Variants in CEACAM4 observed in about 807,000 individuals in gnomAD.
CEACAM4 encodes cell adhesion molecule CEACAM4.
In CEACAM4, 30 loss-of-function variants were observed where a neutral mutation model predicts 28.7. The observed-to-expected ratio is 1.05, with a 90% CI of 0.78 to 1.42. CEACAM4 has a LOEUF of 1.42. Among genes scored for constraint, CEACAM4 ranks in the 40% most tolerant of loss-of-function variants. CEACAM4 has a pLI of 0.00. For missense variants in CEACAM4, 330 were observed against 308.2 expected (o/e 1.07, Z -0.53); for synonymous variants, 143 against 126.5 (o/e 1.13, Z -0.87).
intron 3 of CEACAM4, 75 bp from the exon 4 acceptor site, chr19:41,620,702 A>T: frequency 7.9e-7 from 1 of 1,260,624 alleles, no homozygotes; most frequent in South Asian, 1.2e-5. Flanking sequence ...AGGACAAGGA[A>T]GGGACTCCAT....
At chr19:41,619,604 C>T (rs1245723340) in intron 6 of CEACAM4, 66 bp downstream of exon 6, 8 of 1,566,660 alleles carry the variant, frequency 5.1e-6, no homozygotes, top group South Asian at 1.2e-5. Context: ...CAGCCAGGTG[C>T]TGGTGGGGGC....
At chr19:41,617,160 G>C (rs2070995687), downstream of CEACAM4, among the ~76,000 whole-genome samples, 1 of 152,136 alleles carries the variant, frequency 6.6e-6, no homozygotes, top group African/African-American at 2.4e-5. Context: ...ACTGTCCGTG[G>C]TGCTGATGTC....
intron 2 of CEACAM4, among the ~76,000 whole-genome samples, chr19:41,622,035 C>T (rs546839119): frequency 6.6e-6 from 1 of 152,122 alleles, no homozygotes; most frequent in Admixed American, 6.5e-5. Flanking sequence ...ACCTTTAAAT[C>T]CCTTCTTCCT....
At chr19:41,620,144 TC>T in intron 5 of CEACAM4, 66 bp downstream of exon 5, 2 of 1,367,760 alleles carry the variant, frequency 1.5e-6, no homozygotes, top group Admixed American at 2.8e-5. Context: ...GGGTTGATGG[TC>T]CCCCTGCCCT....
In CEACAM4 at chr19:41,619,305, C is replaced by A; in HGVS notation, c.*25G>T. Reference sequence around the variant, plus strand: ...GGAGCTTCGGGGACGCTCCATCAACCCACAAGAGCAGCTCCCAGAGGAACC... The same window carrying A: ...GGAGCTTCGGGGACGCTCCATCAACACACAAGAGCAGCTCCCAGAGGAACC... On this transcript the variant is annotated 3_prime_UTR_variant, in exon 7 of 7. Transcript: ENST00000221954. 6 of 1,607,488 alleles carry A rather than the reference C, an allele frequency of 3.7e-6. No individual in the cohort carries two copies. The highest frequency in any genetic ancestry group is 5.1e-6 in the Non-Finnish European group (6 of 1,174,226).
chr19:41,618,617 G>C (rs1409425446), downstream of CEACAM4, among the ~76,000 whole-genome samples: 1 of 152,174 alleles, frequency 6.6e-6, no homozygotes, highest in Non-Finnish European at 1.5e-5. Context: ...CAGGACACTG[G>C]AGGCTGCGTA....
intron 2 of CEACAM4, 23 bp from the exon 3 acceptor site, chr19:41,621,791 G>A (rs1252872782): frequency 1.4e-6 from 2 of 1,409,000 alleles, no homozygotes; most frequent in African/African-American, 1.4e-5. Context: ...GAAGGCAAAG[G>A]GGACAAGGCC....
downstream of CEACAM4, among the ~76,000 whole-genome samples, chr19:41,617,843 C>G (rs1030142815): frequency 1.3e-5 from 2 of 152,160 alleles, no homozygotes; most frequent in African/African-American, 4.8e-5. Flanking sequence ...GGTAATTTGT[C>G]ACAGCCTCAA....
rs201153952 is a variant in CEACAM4, at chr19:41,625,779, A to G, written c.246T>C (p.Tyr82=). ...GGATATTTGCTTGAATGTCTGTTAT[A>G]TAACCAGCAATGAGAGGGCTCCCTT... is the stretch of plus-strand genomic sequence containing the variant. The part of the protein sequence containing the change: ...TAEGSPLIAG[Y]ITDIQANIPG... The change falls in exon 2 of 7, where the codon TAT becomes TAC. Residue 82 remains tyrosine, a synonymous_variant. Transcript: ENST00000221954. 1.4e-5 allele frequency: 22 copies of G among 1,613,946 alleles called. No individual in the cohort carries two copies. The East Asian group carries it at 4.0e-4, about 29-fold the overall frequency.
In CEACAM4 at chr19:41,625,732, C is replaced by T. The variant is rs782266854; in HGVS notation, c.293G>A (p.Arg98Gln). ...GGATCCATTGGGGTATACTGTCTCT[C>T]GACCACTGTATGCGGCCCCTGGGAT... ...ANIPGAAYSGRETVYPNGSLL... is the reference protein window; with the variant it reads ...ANIPGAAYSGQETVYPNGSLL... The change falls in exon 2 of 7, where the codon CGA becomes CAA. Residue 98 changes from arginine (R) to glutamine (Q), a missense_variant. Arg to Gln is a conservative substitution (Grantham distance 43). Transcript: ENST00000221954. 11 of 1,613,904 alleles carry T rather than the reference C, an allele frequency of 6.8e-6. No individual in the cohort carries two copies. In the East Asian group the frequency reaches 1.8e-4, roughly 26 times the overall value.
intron 1 of CEACAM4, 100 bp from the exon 2 acceptor site, chr19:41,626,060 TGGAG>T: frequency 1.2e-6 from 1 of 817,802 alleles, no homozygotes; most frequent in Non-Finnish European, 1.9e-6. Context: ...CCCTCAGCCT[TGGAG>T]TGTGTGTGTG....
chr19:41,620,292 C>A lies in CEACAM4; in HGVS notation c.596-50G>T, dbSNP rs782697284. The A allele has an allele frequency of 1.1e-5, 15 of 1,408,152 alleles. No homozygotes were observed. In the South Asian group the frequency reaches 1.9e-4, roughly 18 times the overall value. 87.2% of individuals were successfully genotyped at this position (1,408,152 alleles called of 1,614,324 possible). A position where few individuals can be genotyped will look rare whatever the true frequency, so the allele number is the denominator to read the frequency against. On this transcript the variant is annotated intron_variant, in intron 4 of 6. Coordinates refer to ENST00000221954, the MANE Select transcript of CEACAM4 (RefSeq NM_001817.4). The stretch of plus-strand genomic sequence containing the variant: ...AGCAGGGTGGGAGGAGAGCCTGGGC[C>A]CCTCCTGCAGGAGAGTGTAGGGGTC...
chr19:41,617,226 T>C (rs1555799074), downstream of CEACAM4, among the ~76,000 whole-genome samples: 1 of 152,154 alleles, frequency 6.6e-6, no homozygotes, highest in Non-Finnish European at 1.5e-5. Context: ...CTGCTTTCTG[T>C]TATTCTTAGC....
In CEACAM4 at chr19:41,621,351, C is replaced by T. The variant is rs927762951; in HGVS notation, c.542+300G>A. On this transcript the variant is annotated intron_variant, in intron 3 of 6. Transcript: ENST00000221954. ...AATGAACAGCAGAAGGTACCAGGTT[C>T]TGAGCACTCCCGTCTTATCTCCCTC... is the stretch of plus-strand genomic sequence containing the variant. 3.9e-5 allele frequency among the ~76,000 whole-genome samples: 6 copies of T among 152,256 alleles called. No homozygotes were observed. The East Asian group carries it at 1.2e-3, about 29-fold the overall frequency.
chr19:41,616,310 G>C (rs1241189355), downstream of CEACAM4, among the ~76,000 whole-genome samples: 1 of 152,136 alleles, frequency 6.6e-6, no homozygotes, highest in Non-Finnish European at 1.5e-5. Context: ...GGGACTACAG[G>C]CGTGAGCCAC....
intron 2 of CEACAM4, among the ~76,000 whole-genome samples, chr19:41,624,906 A>G (rs2071539029): frequency 6.6e-6 from 1 of 152,136 alleles, no homozygotes; most frequent in Non-Finnish European, 1.5e-5. Flanking sequence ...CCTGGGCATG[A>G]TCCCCGGTGG....
At chr19:41,625,050 T>G (rs1392491040) in intron 2 of CEACAM4, among the ~76,000 whole-genome samples, 1 of 152,164 alleles carries the variant, frequency 6.6e-6, no homozygotes, top group Non-Finnish European at 1.5e-5. Flanking sequence ...CTCTCCAGGC[T>G]GAGTCCCAGG....
At position 41,620,628 on chromosome 19, in the gene CEACAM4, C is replaced by T; in HGVS notation, c.543-1G>A. On this transcript the variant is annotated splice_acceptor_variant, in intron 3 of 6. Transcript: ENST00000221954. LOFTEE classifies it high-confidence loss of function. Reference sequence around the variant, plus strand: ...CCTGAGGTCACGCTGGATGCTGGCCCTAGGAAAGGTCAGGATTATTCATGA... The same window carrying T: ...CCTGAGGTCACGCTGGATGCTGGCCTTAGGAAAGGTCAGGATTATTCATGA... 1.9e-6 allele frequency: 3 copies of T among 1,612,646 alleles called. No individual in the cohort carries two copies. Among genetic ancestry groups the T allele is most frequent in the Non-Finnish European group, 2.5e-6 (3 of 1,179,084 alleles).
rs1198217208 is a variant in CEACAM4, at chr19:41,620,595, G to A, written c.575C>T (p.Pro192Leu). ...ASIQRDLREQ[P>L]PPASTPGHGP... ...CTCACCAGGGGTGGAGGCTGGGGGC[G>A]GCTGCTCCCTGAGGTCACGCTGGAT... Residue 192 changes from proline to leucine, a missense_variant, in exon 4 of 7, where the codon CCG becomes CTG. By Grantham distance (98) the Pro-to-Leu change is moderately conservative (BLOSUM62 -3). Transcript: ENST00000221954. 28 of 1,612,302 alleles carry A rather than the reference G, an allele frequency of 1.7e-5. No homozygotes were observed. The highest frequency in any genetic ancestry group is 2.1e-5 in the Non-Finnish European group (25 of 1,179,116).
Sources: gnomAD v4.1 joint callset for allele counts (sites outside exome capture counted in the v4.1 genomes callset) on GRCh38, gnomAD v4.1.1 for gene constraint, MANE v1.5 for transcripts, NCBI Gene and HGNC (gene_info 2026-07-23, HGNC 2026-07-21) for gene names.